ZNF710: variants seen among roughly 807,000 people sequenced by gnomAD.
The protein encoded by ZNF710 is zinc finger protein 710.
ZNF710 carries 13 observed loss-of-function variants against 50.6 expected under a neutral mutation model. The ratio of observed to expected loss-of-function variants is 0.26; its 90% CI spans 0.17 to 0.41. The LOEUF is 0.41. ZNF710 is among the 10% of genes least tolerant of loss of function. ZNF710 has a pLI of 1.00. For synonymous variants in ZNF710, 383 were observed against 397.0 expected (o/e 0.96, Z 0.42); for missense variants, 721 against 936.6 (o/e 0.77, Z 3.01).
intron 1 of ZNF710, among the ~76,000 whole-genome samples, chr15:90,024,718 T>C (rs191396892): frequency 2.0e-5 from 3 of 152,336 alleles, no homozygotes; most frequent in Admixed American, 1.3e-4. Context: ...CCATCCTTGC[T>C]TTCTTCTGAG....
chr15:90,022,915 C>T (rs1451287028), intron 1 of ZNF710, among the ~76,000 whole-genome samples: 3 of 152,238 alleles, frequency 2.0e-5, no homozygotes, highest in East Asian at 3.9e-4. Context: ...ATGTAGAAAG[C>T]TCTTTTGAAA....
intron 1 of ZNF710, among the ~76,000 whole-genome samples, chr15:90,013,598 C>T (rs536450662): frequency 2.6e-5 from 4 of 152,304 alleles, no homozygotes; most frequent in African/African-American, 9.6e-5. Flanking sequence ...CCTAAACCCA[C>T]ATAAGAGCCT....
chr15:90,011,639 C>G (rs1206356273), intron 1 of ZNF710, among the ~76,000 whole-genome samples: 3 of 152,158 alleles, frequency 2.0e-5, no homozygotes, highest in Non-Finnish European at 4.4e-5. Flanking sequence ...CTCACATTTT[C>G]CCTTTCATCT....
In ZNF710 at chr15:90,032,051, C is replaced by T. The variant is rs569247682; in HGVS notation, c.-29+30437C>T. On this transcript the variant is annotated intron_variant, in intron 1 of 4. Coordinates refer to ENST00000268154, the MANE Select transcript of ZNF710 (RefSeq NM_198526.4). ...TCTCGCTGTCGCCCAGGCTGGAGTG[C>T]AGTGGCGCGATCTCAGCTCACTGCA... 1.2e-4 allele frequency among the ~76,000 whole-genome samples: 19 copies of T among 152,320 alleles called. No homozygotes were observed. In the South Asian group the frequency reaches 3.7e-3, roughly 30 times the overall value.
intron 1 of ZNF710, among the ~76,000 whole-genome samples, chr15:90,061,942 C>T (rs372919813): frequency 3.3e-5 from 5 of 152,194 alleles, no homozygotes; most frequent in Middle Eastern, 3.4e-3. Context: ...TCTGAGGAGA[C>T]GGCGTCCCTG....
At chr15:90,004,742 G>A (rs1443767628) in intron 1 of ZNF710, among the ~76,000 whole-genome samples, 4 of 152,222 alleles carry the variant, frequency 2.6e-5, no homozygotes, top group Non-Finnish European at 5.9e-5. Flanking sequence ...TACTGCTGGG[G>A]ATCCCGAATC....
Position 90,068,553 on chromosome 15 carries a change from C to T in ZNF710, c.1416C>T (p.Phe472=). The T allele has an allele frequency of 3.7e-6, 6 of 1,608,960 alleles. No homozygotes were observed. The highest frequency in any genetic ancestry group is 5.1e-6 in the Non-Finnish European group (6 of 1,179,376). Residue 472 remains phenylalanine, a synonymous_variant, in exon 2 of 5, where the codon TTC becomes TTT. Transcript: ENST00000268154. This position sits in a 1 kb window ranked among gnomAD's most constrained non-coding sequence, Gnocchi z 5.0. ...TGTGCACTGAATGCGGCATGGAGTT[C>T]AGCCAGATTCACCACCTCAAGCAGC... ...PFVCTECGME[F]SQIHHLKQHS...
At chr15:90,015,837 C>G (rs1198449795) in intron 1 of ZNF710, among the ~76,000 whole-genome samples, 1 of 152,114 alleles carries the variant, frequency 6.6e-6, no homozygotes. Flanking sequence ...TCTCGAACTC[C>G]TGGACTCAAG....
intron 1 of ZNF710, among the ~76,000 whole-genome samples, chr15:90,043,396 C>T (rs1310082324): frequency 5.9e-5 from 9 of 152,234 alleles, no homozygotes; most frequent in Non-Finnish European, 1.3e-4. Context: ...GAGGAGGCCA[C>T]AGCCAGGCGG....
At chr15:90,048,721 C>G (rs1187986136) in intron 1 of ZNF710, among the ~76,000 whole-genome samples, 1 of 152,190 alleles carries the variant, frequency 6.6e-6, no homozygotes, top group African/African-American at 2.4e-5. Context: ...TCTGAGCTAC[C>G]TGGATGAGTT....
chr15:90,067,852 C>T lies in ZNF710; in HGVS notation c.715C>T (p.Pro239Ser), dbSNP rs369663040. 1 of 1,601,752 alleles carries T rather than the reference C, an allele frequency of 6.2e-7. No individual in the cohort carries two copies. Among genetic ancestry groups the T allele is most frequent in the Non-Finnish European group, 8.5e-7 (1 of 1,172,276 alleles). ...GGCCCCCAGCATGGAGTCCCCGGAG[C>T]CTGTCAAGCCGGAACAGGGCTTCGT... is the stretch of plus-strand genomic sequence containing the variant. ...PEAPSMESPEPVKPEQGFVWQ... is the reference protein window; with the variant it reads ...PEAPSMESPESVKPEQGFVWQ... Residue 239 changes from proline (P) to serine (S), a missense_variant, in exon 2 of 5, where the codon CCT becomes TCT. Physicochemically the swap from Pro to Ser is moderately conservative, Grantham distance 74. Coordinates refer to ENST00000268154, the MANE Select transcript of ZNF710 (RefSeq NM_198526.4). The surrounding 1 kb of genome is among the most constrained non-coding windows in gnomAD (Gnocchi z 8.1).
intron 1 of ZNF710, among the ~76,000 whole-genome samples, chr15:90,066,051 G>A (rs776716131): frequency 4.6e-5 from 7 of 152,134 alleles, no homozygotes; most frequent in African/African-American, 9.7e-5. Context: ...GAACTCCAAC[G>A]TATAAAATCA....
At chr15:90,037,717 G>A (rs116432077) in intron 1 of ZNF710, among the ~76,000 whole-genome samples, 2,799 of 152,270 alleles carry the variant, frequency 0.018, 91 homozygotes, top group African/African-American at 0.063. Flanking sequence ...CATAAGCATC[G>A]CAGGCTGGAT....
intron 3 of ZNF710, among the ~76,000 whole-genome samples, chr15:90,073,752 GC>G (rs1900477458): frequency 1.3e-5 from 2 of 152,092 alleles, no homozygotes; most frequent in Admixed American, 1.3e-4. Context: ...ATTTTGGGAG[GC>G]TGAGGTGGGT....
intron 1 of ZNF710, among the ~76,000 whole-genome samples, chr15:90,057,863 C>G (rs1899873246): frequency 6.6e-6 from 1 of 152,176 alleles, no homozygotes; most frequent in African/African-American, 2.4e-5. Context: ...TTCTGGAACT[C>G]TGTGGACCCA....
chr15:90,022,885 G>A (rs975917211), intron 1 of ZNF710, among the ~76,000 whole-genome samples: 1 of 152,192 alleles, frequency 6.6e-6, no homozygotes, highest in African/African-American at 2.4e-5. Flanking sequence ...CATATTTATA[G>A]TTACTGAATC....
intron 1 of ZNF710, among the ~76,000 whole-genome samples, chr15:90,012,559 C>T (rs898866859): frequency 6.6e-6 from 1 of 152,080 alleles, no homozygotes; most frequent in Non-Finnish European, 1.5e-5. Context: ...CGTGAGCCTC[C>T]ATGCCTGGCC....
chr15:90,058,672 A>G (rs980153450), intron 1 of ZNF710, among the ~76,000 whole-genome samples: 4 of 149,522 alleles, frequency 2.7e-5, no homozygotes, highest in Admixed American at 1.3e-4. Context: ...CTAGAGTAAG[A>G]AATAGAACCA....
At chr15:90,023,327 C>G (rs945093674) in intron 1 of ZNF710, among the ~76,000 whole-genome samples, 1 of 152,208 alleles carries the variant, frequency 6.6e-6, no homozygotes, top group East Asian at 1.9e-4. Context: ...GCTAAAACAC[C>G]AGCTCATTTC....
Sources: allele counts gnomAD v4.1 joint callset (sites outside exome capture counted in the v4.1 genomes callset), GRCh38; gene constraint gnomAD v4.1.1; non-coding constraint Gnocchi (gnomAD v3.1); transcripts MANE v1.5; gene names NCBI Gene and HGNC (gene_info 2026-07-23, HGNC 2026-07-21).